Variants in ARHGAP21 observed in about 807,000 individuals in gnomAD.
The protein encoded by ARHGAP21 is Rho GTPase activating protein 21.
ARHGAP21 carries 38 observed loss-of-function variants against 164.6 expected under a neutral mutation model. The observed-to-expected ratio is 0.23, with a 90% CI of 0.18 to 0.30. The LOEUF is 0.30. Ranked by LOEUF, ARHGAP21 falls within the 10% of genes least tolerant of loss-of-function variation. ARHGAP21 has a pLI of 1.00. For synonymous variants in ARHGAP21, 766 were observed against 857.9 expected, an observed-to-expected ratio of 0.89 and a Z score of 1.87; for missense variants, 1,822 against 2,370.7, an observed-to-expected ratio of 0.77 and a Z score of 4.81.
chr10:24,595,190 T>C lies in ARHGAP21; in HGVS notation c.3713A>G (p.Asp1238Gly), dbSNP rs767063390. ...GGCTTCAATAAAATCAGCATATTTA[T>C]CTGACGACAAGAACAATAAAACAAA... ...RKLPEPLFTN[D>G]KYADFIEANR... is the part of the protein sequence containing the mutation. The change falls in exon 20 of 26, where the codon GAT becomes GGT. Residue 1238 changes from aspartate (D) to glycine (G), a missense_variant and splice_region_variant. Transcript: ENST00000396432. 1.2e-6 allele frequency: 2 copies of C among 1,609,330 alleles called. No individual in the cohort carries two copies. The highest frequency in any genetic ancestry group is 1.7e-6 in the Non-Finnish European group (2 of 1,178,044).
chr10:24,622,609 A>C, intron 8 of ARHGAP21, 124 bp downstream of exon 8: 1 of 1,015,164 alleles, frequency 9.9e-7, no homozygotes, highest in South Asian at 1.9e-5. Flanking sequence ...GCAAATTAGT[A>C]AGATTAACAC....
At chr10:24,675,444 T>G (rs1432719330) in intron 2 of ARHGAP21, among the ~76,000 whole-genome samples, 1 of 152,174 alleles carries the variant, frequency 6.6e-6, no homozygotes, top group African/African-American at 2.4e-5. Context: ...TGGAGATTAT[T>G]ATGAAGCAGC....
rs2077080116 is a variant in ARHGAP21 at position 24,607,531 on chromosome 10, C to T, written c.2652G>A (p.Glu884=). 2 of 1,613,602 alleles carry T rather than the reference C, an allele frequency of 1.2e-6. No individual in the cohort carries two copies. ...SKTERSKSYD[E]GLDDYREDAK... ...CATCTTCTCTGTAATCATCCAGACC[C>T]TCATCATATGATTTTGATCTTTCTG... Residue 884 remains glutamate, a synonymous_variant, in exon 11 of 26, where the codon GAG becomes GAA. Coordinates refer to ENST00000396432, the MANE Select transcript of ARHGAP21 (RefSeq NM_020824.4).
At chr10:24,610,387 A>G (rs1283727495) in intron 9 of ARHGAP21, among the ~76,000 whole-genome samples, 1 of 151,968 alleles carries the variant, frequency 6.6e-6, no homozygotes, top group Non-Finnish European at 1.5e-5. Context: ...AAAAAAAAAA[A>G]AAGTCTTCAT....
At chr10:24,714,767 G>C (rs919217492) in intron 2 of ARHGAP21, among the ~76,000 whole-genome samples, 7 of 152,138 alleles carry the variant, frequency 4.6e-5, no homozygotes, top group African/African-American at 1.7e-4. Flanking sequence ...GGGCACGGTG[G>C]TTCACGCCTG....
intron 24 of ARHGAP21, 132 bp from the exon 25 acceptor site, chr10:24,589,434 G>A (rs1471920068): frequency 7.0e-6 from 5 of 714,188 alleles, no homozygotes; most frequent in Middle Eastern, 3.9e-4. Flanking sequence ...AGAACACAGT[G>A]GATAGTCAGA....
chr10:24,628,297 T>G (rs1835339742), intron 7 of ARHGAP21, among the ~76,000 whole-genome samples: 2 of 152,250 alleles, frequency 1.3e-5, no homozygotes, highest in Non-Finnish European at 2.9e-5. Flanking sequence ...AGGGTAATTG[T>G]TATCGGTACT....
intron 17 of ARHGAP21, 166 bp from the exon 18 acceptor site, chr10:24,596,209 A>T: frequency 1.7e-6 from 1 of 580,112 alleles, no homozygotes; most frequent in Non-Finnish European, 2.8e-6. Flanking sequence ...CCTGCAAGAG[A>T]TATTTGAGAC....
At chr10:24,589,389 A>G in intron 24 of ARHGAP21, 87 bp from the exon 25 acceptor site, 1 of 1,250,766 alleles carries the variant, frequency 8.0e-7, no homozygotes, top group Non-Finnish European at 1.1e-6. Context: ...AAAGACAGGC[A>G]CAGAACAAAA....
intron 4 of ARHGAP21, among the ~76,000 whole-genome samples, chr10:24,664,587 A>G (rs1294400425): frequency 6.6e-6 from 1 of 151,346 alleles, no homozygotes; most frequent in Non-Finnish European, 1.5e-5. Context: ...AATAATAATA[A>G]TAACAGTATA....
At chr10:24,713,855 G>C (rs1263707074) in intron 2 of ARHGAP21, among the ~76,000 whole-genome samples, 1 of 152,110 alleles carries the variant, frequency 6.6e-6, no homozygotes, top group Admixed American at 6.5e-5. Flanking sequence ...CCATCATCCA[G>C]ATTAGATTGT....
chr10:24,701,147 A>G (rs918236361), intron 2 of ARHGAP21, among the ~76,000 whole-genome samples: 4 of 152,178 alleles, frequency 2.6e-5, no homozygotes, highest in Non-Finnish European at 5.9e-5. Flanking sequence ...GAGGAAGACA[A>G]GAGGAAGGAG....
chr10:24,636,387 T>A (rs891861958), intron 4 of ARHGAP21, among the ~76,000 whole-genome samples: 11 of 152,186 alleles, frequency 7.2e-5, no homozygotes, highest in Non-Finnish European at 2.9e-5. Context: ...CTAGATCTCC[T>A]GAATCAGAAA....
At chr10:24,607,302 A>G (rs2077068561) in intron 11 of ARHGAP21, 197 bp downstream of exon 11, 2 of 594,706 alleles carry the variant, frequency 3.4e-6, no homozygotes, top group Non-Finnish European at 5.9e-6. Context: ...AGTATTTAAC[A>G]TATTTTTCTA....
At position 24,595,122 on chromosome 10, in the gene ARHGAP21, T is replaced by C. The variant is rs1427611658; in HGVS notation, c.3781A>G (p.Arg1261Gly). 2 of 1,609,096 alleles carry C rather than the reference T, an allele frequency of 1.2e-6. No homozygotes were observed. ...DPLDRLKTLK[R>G]LIHDLPEHHY... ...AAATATAAAATAATACCTACTAGTC[T>C]TTTTAATGTTTTCAGACGATCTAGA... Residue 1261 changes from arginine (R) to glycine (G), a missense_variant, in exon 20 of 26, where the codon AGA (arginine) becomes GGA (glycine). This residue lies in a region of ARHGAP21 where 117 missense variants were observed against 238.1 expected (regional missense o/e 0.49). Coordinates refer to ENST00000396432, the MANE Select transcript of ARHGAP21 (RefSeq NM_020824.4).
chr10:24,628,593 C>A (rs529150583), intron 7 of ARHGAP21, among the ~76,000 whole-genome samples: 6 of 152,056 alleles, frequency 3.9e-5, no homozygotes, highest in Non-Finnish European at 7.4e-5. Context: ...AAGAAAAAAA[C>A]CCAATTGTTT....
chr10:24,671,406 C>T (rs769648361), intron 2 of ARHGAP21, among the ~76,000 whole-genome samples: 1 of 152,170 alleles, frequency 6.6e-6, no homozygotes. Flanking sequence ...CCCACCCTCA[C>T]CTGCAGCAGA....
intron 4 of ARHGAP21, among the ~76,000 whole-genome samples, chr10:24,656,353 C>T (rs1838920320): frequency 9.4e-6 from 1 of 106,482 alleles, no homozygotes; most frequent in African/African-American, 4.0e-5. Flanking sequence ...GGGGTCAGCC[C>T]CCCCACCCGG....
intron 9 of ARHGAP21, among the ~76,000 whole-genome samples, chr10:24,617,611 T>TAA (rs200698926): frequency 1.3e-5 from 2 of 150,934 alleles, no homozygotes; most frequent in African/African-American, 4.9e-5. Context: ...ATCCGATTTA[T>TAA]AAAAAAAAAC....
Sources: allele counts gnomAD v4.1 joint callset (sites outside exome capture counted in the v4.1 genomes callset), GRCh38; gene constraint gnomAD v4.1.1; regional missense constraint gnomAD v4.1.1; transcripts MANE v1.5; gene names NCBI Gene and HGNC (gene_info 2026-07-23, HGNC 2026-07-21).